XRCC4: variants seen among roughly 807,000 people sequenced by gnomAD.
XRCC4 encodes the protein X-ray repair cross complementing 4, also known as DNA repair protein XRCC4.
In XRCC4, 28 loss-of-function variants were observed where a neutral mutation model predicts 39.1. The observed-to-expected ratio is 0.72, with a 90% CI of 0.53 to 0.98. The LOEUF is 0.98. Ranked by LOEUF, XRCC4 falls within the 50% of genes least tolerant of loss-of-function variation. The pLI is 0.00. For synonymous variants in XRCC4, 123 were observed against 126.4 expected, an observed-to-expected ratio of 0.97 and a Z score of 0.18; for missense variants, 350 against 376.4, an observed-to-expected ratio of 0.93 and a Z score of 0.58.
intron 1 of XRCC4, among the ~76,000 whole-genome samples, chr5:83,090,334 G>A (rs1745364344): frequency 8.5e-6 from 1 of 117,926 alleles, no homozygotes; most frequent in South Asian, 2.8e-4. Context: ...GTTTTATAAG[G>A]TGGTGGGGTT....
intron 7 of XRCC4, among the ~76,000 whole-genome samples, chr5:83,295,105 G>A (rs1439642570): frequency 1.3e-5 from 2 of 151,982 alleles, no homozygotes; most frequent in Non-Finnish European, 2.9e-5. Flanking sequence ...AATGGACTGA[G>A]TAAAAGTAAA....
At chr5:83,335,322 G>T (rs944017049) in intron 7 of XRCC4, among the ~76,000 whole-genome samples, 1 of 151,642 alleles carries the variant, frequency 6.6e-6, no homozygotes. Flanking sequence ...AATTATTATT[G>T]TTAGAATAAT....
At chr5:83,107,908 G>T (rs1335218281) in intron 2 of XRCC4, among the ~76,000 whole-genome samples, 1 of 151,832 alleles carries the variant, frequency 6.6e-6, no homozygotes, top group Non-Finnish European at 1.5e-5. Flanking sequence ...CTAATGGTAT[G>T]ATAAGACTGT....
intron 2 of XRCC4, among the ~76,000 whole-genome samples, chr5:83,110,730 G>C (rs907232351): frequency 7.2e-5 from 11 of 152,054 alleles, no homozygotes; most frequent in Non-Finnish European, 1.5e-4. Flanking sequence ...CCTAAGAGCA[G>C]TTACACAAAG....
intron 3 of XRCC4, among the ~76,000 whole-genome samples, chr5:83,148,106 A>G (rs947928100): frequency 1.3e-5 from 2 of 152,198 alleles, no homozygotes; most frequent in Admixed American, 6.5e-5. Context: ...CGATAAATTC[A>G]TCAACTTTAA....
At chr5:83,316,184 T>C (rs1313049274) in intron 7 of XRCC4, among the ~76,000 whole-genome samples, 1 of 152,036 alleles carries the variant, frequency 6.6e-6, no homozygotes, top group Non-Finnish European at 1.5e-5. Context: ...GAATTAGAAG[T>C]GTAGTCTGCA....
intron 3 of XRCC4, among the ~76,000 whole-genome samples, chr5:83,150,445 T>G (rs1473339280): frequency 6.6e-6 from 1 of 152,124 alleles, no homozygotes; most frequent in African/African-American, 2.4e-5. Context: ...GATATATTGT[T>G]TGCATAACAG....
intron 6 of XRCC4, among the ~76,000 whole-genome samples, chr5:83,229,766 C>T (rs1185310491): frequency 7.2e-6 from 1 of 138,538 alleles, no homozygotes; most frequent in Non-Finnish European, 1.5e-5. Context: ...ACTGTTTGGT[C>T]TTTAATATGG....
intron 2 of XRCC4, among the ~76,000 whole-genome samples, chr5:83,110,500 T>C: frequency 6.6e-6 from 1 of 151,992 alleles, no homozygotes; most frequent in East Asian, 1.9e-4. Flanking sequence ...TGCTCGTACA[T>C]TTTAGTTTCC....
chr5:83,373,250 A>G, the XRCC4 span, among the ~76,000 whole-genome samples: 1 of 151,968 alleles, frequency 6.6e-6, no homozygotes. Context: ...CTCCCTGTGC[A>G]CCCTCATTTG....
At chr5:83,116,249 G>T (rs1484311047) in intron 3 of XRCC4, among the ~76,000 whole-genome samples, 1 of 152,116 alleles carries the variant, frequency 6.6e-6, no homozygotes, top group Non-Finnish European at 1.5e-5. Context: ...TTAGAAGAAA[G>T]GAAAAGAATG....
chr5:83,212,542 C>G (rs1387847024), intron 6 of XRCC4, among the ~76,000 whole-genome samples: 1 of 152,056 alleles, frequency 6.6e-6, no homozygotes, highest in Non-Finnish European at 1.5e-5. Flanking sequence ...AAAAAAAATA[C>G]TTGAAAAAAT....
At chr5:83,214,516 T>C (rs1335890379) in intron 6 of XRCC4, among the ~76,000 whole-genome samples, 1 of 151,844 alleles carries the variant, frequency 6.6e-6, no homozygotes. Flanking sequence ...CTGGGCAACA[T>C]AGTTGAGACA....
chr5:83,103,799 A>G (rs914631469), intron 1 of XRCC4, among the ~76,000 whole-genome samples: 2 of 152,222 alleles, frequency 1.3e-5, no homozygotes, highest in Admixed American at 1.3e-4. Flanking sequence ...GCCAGACACA[A>G]AATAGAACAT....
At chr5:83,225,126 C>T (rs554797753) in intron 6 of XRCC4, among the ~76,000 whole-genome samples, 24 of 152,248 alleles carry the variant, frequency 1.6e-4, no homozygotes, top group Non-Finnish European at 3.2e-4. Flanking sequence ...CCCATTTGGA[C>T]AGAGATTTTA....
chr5:83,279,951 G>T lies in XRCC4; in HGVS notation c.893+21274G>T, dbSNP rs1485498642. 1.8e-5 allele frequency: 3 copies of T among 170,162 alleles called. No homozygotes were observed. The South Asian group carries it at 4.7e-4, about 27-fold the overall frequency. 10.5% of individuals were successfully genotyped at this position (170,162 alleles called of 1,614,324 possible). On this transcript the variant is annotated intron_variant, in intron 7 of 7. Transcript: ENST00000396027. ...AACTTCATGAAGCATTAACTCCTGA[G>T]GTATATTTATTTCTGGACTATACAA...
chr5:83,356,202 C>T (rs1171870709), downstream of XRCC4, among the ~76,000 whole-genome samples: 1 of 152,056 alleles, frequency 6.6e-6, no homozygotes, highest in Non-Finnish European at 1.5e-5. Flanking sequence ...TAGATTTACC[C>T]TGTATCTTTC....
intron 7 of XRCC4, among the ~76,000 whole-genome samples, chr5:83,277,449 C>T (rs1754375420): frequency 6.6e-6 from 1 of 152,192 alleles, no homozygotes; most frequent in African/African-American, 2.4e-5. Context: ...AGCCCTCAGG[C>T]CACCCGTGAT....
chr5:83,203,773 T>TA (rs1218644180), intron 5 of XRCC4, 66 bp downstream of exon 5: 1 of 1,569,420 alleles, frequency 6.4e-7, no homozygotes, highest in Admixed American at 1.8e-5. Flanking sequence ...TTCCCAAAGT[T>TA]AATGAACATT....
Sources: allele counts gnomAD v4.1 joint callset (sites outside exome capture counted in the v4.1 genomes callset), GRCh38; gene constraint gnomAD v4.1.1; transcripts MANE v1.5; gene names NCBI Gene and HGNC (gene_info 2026-07-23, HGNC 2026-07-21).